Variants in AKNA observed in about 807,000 individuals in gnomAD.
AKNA encodes AT-hook transcription factor.
A neutral mutation model predicts 138.8 loss-of-function variants in AKNA; 67 were observed. The observed-to-expected ratio is 0.48, with a 90% CI of 0.40 to 0.59. AKNA has a LOEUF of 0.59. Among genes scored for constraint, AKNA ranks in the 20% least tolerant of loss-of-function variants. The pLI, the probability that AKNA is intolerant of heterozygous loss-of-function variation, is 0.00. For missense variants in AKNA, 1,813 were observed against 1,880.4 expected, an observed-to-expected ratio of 0.96 and a Z score of 0.66; for synonymous variants, 737 against 754.4, an observed-to-expected ratio of 0.98 and a Z score of 0.38.
intron 9 of AKNA, among the ~76,000 whole-genome samples, chr9:114,361,213 C>G (rs1413705959): frequency 6.6e-6 from 1 of 152,186 alleles, no homozygotes; most frequent in Non-Finnish European, 1.5e-5. Context: ...GACTATTTTT[C>G]CTTTCTCTTC....
chr9:114,335,000 C>G lies in AKNA; in HGVS notation c.*2054G>C, dbSNP rs1445631636. ...TCTGGGGTCCCACAATGTCCTGGAA[C>G]TGAAGGCTCAGAACCTACAGGAAGT... On this transcript the variant is annotated 3_prime_UTR_variant, in exon 22 of 22. Coordinates refer to ENST00000374088, the MANE Select transcript of AKNA (RefSeq NM_001317950.2). The G allele has an allele frequency of 6.6e-6, 1 of 152,240 alleles. No homozygotes were observed. 9.4% of individuals were successfully genotyped at this position (152,240 alleles called of 1,614,324 possible).
At chr9:114,342,172 T>A in intron 19 of AKNA, 47 bp from the exon 20 acceptor site, 1 of 1,407,074 alleles carries the variant, frequency 7.1e-7, no homozygotes, top group Non-Finnish European at 9.6e-7. Context: ...ATCTAAATCA[T>A]CAGATCAGGA....
chr9:114,356,488 CCT>C (rs982877954), intron 13 of AKNA, among the ~76,000 whole-genome samples: 11 of 152,196 alleles, frequency 7.2e-5, no homozygotes, highest in Non-Finnish European at 1.6e-4. Flanking sequence ...ACTCTTCACC[CCT>C]GTCCCCTCCG....
chr9:114,338,770 TG>T (rs1830152883), intron 21 of AKNA, among the ~76,000 whole-genome samples: 1 of 152,164 alleles, frequency 6.6e-6, no homozygotes, highest in Admixed American at 6.5e-5. Context: ...TTAGAGCTGA[TG>T]GAAAATTCAG....
At chr9:114,332,576 T>C (rs891855429), downstream of AKNA, among the ~76,000 whole-genome samples, 11 of 152,216 alleles carry the variant, frequency 7.2e-5, no homozygotes, top group African/African-American at 2.4e-4. Context: ...ATTTGCCACC[T>C]GAGATGACCA....
chr9:114,377,671 T>C (rs1833345486), intron 2 of AKNA, 139 bp from the exon 3 acceptor site: 3 of 887,642 alleles, frequency 3.4e-6, no homozygotes, highest in South Asian at 1.8e-5. Flanking sequence ...GGTGGTAGAC[T>C]TAGCCAAGTG....
Position 114,376,502 on chromosome 9 carries a change from C to T in AKNA, c.1305G>A (p.Thr435=), listed in dbSNP as rs1394734880. 6 of 1,613,722 alleles carry T rather than the reference C, an allele frequency of 3.7e-6. No homozygotes were observed. The highest frequency in any genetic ancestry group is 1.7e-5 in the Admixed American group (1 of 59,986). The change falls in exon 3 of 22, where the codon ACG becomes ACA. Residue 435 remains threonine, a synonymous_variant. Transcript: ENST00000374088. ...PITRVPQEFQ[T]PEQATELVHQ... ...GGACCAGCTCAGTGGCTTGCTCAGG[C>T]GTCTGAAATTCTTGGGGTACCCTGG...
rs1829965864 is a variant in AKNA, at chr9:114,335,793, A to T, written c.*1261T>A. 7.0e-6 allele frequency: 1 copy of T among 143,734 alleles called. No homozygotes were observed. The highest frequency in any genetic ancestry group is 2.1e-4 in the South Asian group (1 of 4,672). The allele number at this position is 143,734 out of a possible 1,614,324, so 8.9% of individuals were successfully genotyped here. A position where few individuals can be genotyped will look rare whatever the true frequency, so the allele number is the denominator to read the frequency against. On this transcript the variant is annotated 3_prime_UTR_variant, in exon 22 of 22. Transcript: ENST00000374088. ...TCTCAAAAAAAAAAAAAAAAAGAAA[A>T]AGAAAAAAGAAAAAAAAAAGAAAGA...
chr9:114,345,195 G>C (rs1275790569), intron 18 of AKNA: 2 of 151,996 alleles, frequency 1.3e-5, no homozygotes, highest in Non-Finnish European at 2.9e-5. Context: ...TTGTGCCTCA[G>C]CCTCCCAAAT....
At chr9:114,337,956 G>C (rs942087220) in intron 21 of AKNA, among the ~76,000 whole-genome samples, 1 of 152,324 alleles carries the variant, frequency 6.6e-6, no homozygotes, top group East Asian at 1.9e-4. Context: ...ATGAAGCACG[G>C]ATTTCCCTAA....
At chr9:114,365,718 C>T (rs537822606) in intron 6 of AKNA, among the ~76,000 whole-genome samples, 1 of 152,108 alleles carries the variant, frequency 6.6e-6, no homozygotes, top group Admixed American at 6.5e-5. Context: ...AACATGTAAT[C>T]AATACTAAAA....
At chr9:114,364,998 A>G (rs1430333429) in intron 6 of AKNA, among the ~76,000 whole-genome samples, 2 of 152,254 alleles carry the variant, frequency 1.3e-5, no homozygotes, top group Non-Finnish European at 2.9e-5. Context: ...GTTCTGAGCT[A>G]TTAATGCCTC....
At chr9:114,331,490 C>A, downstream of AKNA, 5 of 1,216,284 alleles carry the variant, frequency 4.1e-6, no homozygotes, top group Non-Finnish European at 6.0e-6. Flanking sequence ...CCGGACACAC[C>A]TAGGACTCCT....
At chr9:114,382,091 A>G (rs1243374116) in intron 1 of AKNA, among the ~76,000 whole-genome samples, 1 of 152,192 alleles carries the variant, frequency 6.6e-6, no homozygotes, top group African/African-American at 2.4e-5. Context: ...GGCCCTGCTC[A>G]TGGGAGAACT....
downstream of AKNA, chr9:114,331,708 C>T (rs888787982): frequency 1.6e-5 from 25 of 1,594,448 alleles, no homozygotes; most frequent in Admixed American, 2.7e-4. Flanking sequence ...ACTCATGCCC[C>T]TCTCAGGCCT....
At chr9:114,349,017 T>C in intron 15 of AKNA, 1 of 453,978 alleles carries the variant, frequency 2.2e-6, no homozygotes, top group Non-Finnish European at 4.4e-6. Flanking sequence ...TGTGTGTGTC[T>C]GAGGGCAGTG....
chr9:114,369,042 A>G (rs1832577786), intron 4 of AKNA, among the ~76,000 whole-genome samples: 1 of 152,232 alleles, frequency 6.6e-6, no homozygotes, highest in South Asian at 2.1e-4. Flanking sequence ...AAATATAAGC[A>G]TTTCTAATAA....
intron 7 of AKNA, 110 bp from the exon 8 acceptor site, chr9:114,362,643 C>T (rs1832065218): frequency 2.9e-6 from 4 of 1,367,848 alleles, no homozygotes; most frequent in Non-Finnish European, 3.8e-6. Context: ...TGCACCTGGG[C>T]CCCTGGGTTC....
rs41306498 is a variant in AKNA, at chr9:114,377,000, T to C, written c.807A>G (p.Pro269=). Residue 269 remains proline (P), a synonymous_variant, in exon 3 of 22, where the codon CCA becomes CCG. Transcript: ENST00000374088. Reference sequence around the variant, plus strand: ...CTGTGGCATGCTGCGGACTCTGGGCTGGGGGAGCTGAGGAGTCCTGGAATT... The same window carrying C: ...CTGTGGCATGCTGCGGACTCTGGGCCGGGGGAGCTGAGGAGTCCTGGAATT... ...PMEFQDSSAP[P]AQSPQHATDR... is the part of the protein sequence containing the mutation. 71,492 of 1,614,054 alleles carry C rather than the reference T, an allele frequency of 0.044. 1,857 individuals are homozygous for C. Among genetic ancestry groups the C allele is most frequent in the African/African-American group, 0.12 (9,076 of 75,034 alleles).
Sources: gnomAD v4.1 joint callset for allele counts (sites outside exome capture counted in the v4.1 genomes callset) on GRCh38, gnomAD v4.1.1 for gene constraint, MANE v1.5 for transcripts, NCBI Gene and HGNC (gene_info 2026-07-23, HGNC 2026-07-21) for gene names.